MRPL52: variants seen among roughly 807,000 people sequenced by gnomAD.
MRPL52 encodes the protein large ribosomal subunit protein mL52.
MRPL52 carries 19 observed loss-of-function variants against 22.1 expected under a neutral mutation model. The ratio of observed to expected loss-of-function variants is 0.86; its 90% CI spans 0.60 to 1.26. The LOEUF (loss-of-function observed/expected upper bound fraction) is 1.26. MRPL52 is among the 50% of genes most tolerant of loss of function. MRPL52 has a pLI of 0.00. For missense variants in MRPL52, 152 were observed against 148.1 expected, an observed-to-expected ratio of 1.03 and a Z score of -0.14; for synonymous variants, 50 against 57.5, an observed-to-expected ratio of 0.87 and a Z score of 0.59.
intron 3 of MRPL52, among the ~76,000 whole-genome samples, chr14:22,832,792 T>C (rs1469211990): frequency 6.6e-6 from 1 of 152,030 alleles, no homozygotes; most frequent in East Asian, 1.9e-4. Flanking sequence ...GGCAGGAGAA[T>C]TGCTTGAACC....
intron 3 of MRPL52, 94 bp from the exon 4 acceptor site, chr14:22,833,324 G>C: frequency 1.3e-6 from 1 of 779,694 alleles, no homozygotes; most frequent in Non-Finnish European, 2.3e-6. Context: ...AGAGGAGCTA[G>C]AGATTGGTTC....
intron 2 of MRPL52, 21 bp downstream of exon 2, chr14:22,830,131 A>C (rs1474746769): frequency 1.9e-6 from 3 of 1,614,212 alleles, no homozygotes; most frequent in Middle Eastern, 1.6e-4. Context: ...GGATGAGGGC[A>C]CCTGGGGGAC....
chr14:22,830,373 T>G, intron 3 of MRPL52, 119 bp downstream of exon 3: 7 of 1,037,330 alleles, frequency 6.7e-6, no homozygotes, highest in Non-Finnish European at 1.0e-5. Context: ...ACTTTTTATT[T>G]GGAAAACGGA....
intron 3 of MRPL52, 110 bp downstream of exon 3, chr14:22,830,364 C>T (rs1407456199): frequency 2.6e-6 from 3 of 1,163,020 alleles, no homozygotes; most frequent in Non-Finnish European, 3.8e-6. Flanking sequence ...AAGTGTTTAA[C>T]TTTTTATTTG....
chr14:22,831,106 CTTT>C (rs36143447), intron 3 of MRPL52: 90 of 167,474 alleles, frequency 5.4e-4, no homozygotes, highest in African/African-American at 1.5e-3. Flanking sequence ...CATATGACTG[CTTT>C]TTTTTTTTTT....
Position 22,834,262 on chromosome 14 carries a change from C to A in MRPL52, c.310C>A (p.Gln104Lys). The change falls in exon 5 of 5, where the codon CAG (glutamine) becomes AAG (lysine). Residue 104 changes from glutamine to lysine, a missense_variant. Gln to Lys is a moderately conservative substitution (Grantham distance 53, BLOSUM62 1). Transcript: ENST00000397496. ...QQKLQEEQRK[Q>K]ENALKPKGAS... The stretch of plus-strand genomic sequence containing the variant: ...GAAGTTGCAGGAAGAACAAAGGAAG[C>A]AGGAAAATGCTCTTAAACCCAAAGG... 2 of 1,614,168 alleles carry A rather than the reference C, an allele frequency of 1.2e-6. No individual in the cohort carries two copies. Among genetic ancestry groups the A allele is most frequent in the Non-Finnish European group, 1.7e-6 (2 of 1,180,034 alleles).
intron 3 of MRPL52, chr14:22,831,225 A>T: frequency 2.0e-6 from 1 of 497,526 alleles, no homozygotes; most frequent in Non-Finnish European, 3.5e-6. Flanking sequence ...CAGTCCTCCC[A>T]CCTCAGCCCC....
chr14:22,830,038 C>T lies in MRPL52; in HGVS notation c.29-15C>T, dbSNP rs752981510. Reference sequence around the variant, plus strand: ...GCGCGGCCTCTCCCCCAACTCTGCTCTGTTCTCCCAGCAGGTGTCCGGAGG... The same window carrying T: ...GCGCGGCCTCTCCCCCAACTCTGCTTTGTTCTCCCAGCAGGTGTCCGGAGG... On this transcript the variant is annotated splice_polypyrimidine_tract_variant and intron_variant, in intron 1 of 4. Coordinates refer to ENST00000397496, the MANE Select transcript of MRPL52 (RefSeq NM_180982.3). 1.2e-6 allele frequency: 2 copies of T among 1,614,040 alleles called. No homozygotes were observed. Among genetic ancestry groups the T allele is most frequent in the East Asian group, 2.2e-5 (1 of 44,886 alleles).
At chr14:22,833,827 G>A (rs1430852366) in intron 4 of MRPL52, among the ~76,000 whole-genome samples, 1 of 152,062 alleles carries the variant, frequency 6.6e-6, no homozygotes, top group Non-Finnish European at 1.5e-5. Context: ...TTCTATGTTG[G>A]TCAGACTGGT....
Position 22,834,119 on chromosome 14 carries a change from G to A in MRPL52, c.220-53G>A, listed in dbSNP as rs996889115. 3.1e-6 allele frequency: 5 copies of A among 1,592,636 alleles called. No individual in the cohort carries two copies. In the African/African-American group the frequency reaches 4.0e-5, roughly 13 times the overall value. On this transcript the variant is annotated intron_variant, in intron 4 of 4. Transcript: ENST00000397496. ...GAATTTGTAAGTGGAAGGATATATA[G>A]TATAGCGCTGAAGTCCCAGATGTTA...
chr14:22,834,221 G>T lies in MRPL52; in HGVS notation c.269G>T (p.Trp90Leu). ...GAAATGGACGCTGGATTACAAGCAT[G>T]GCAGCTCAGGCAGCAGAAGTTGCAG... is the stretch of plus-strand genomic sequence containing the variant. ...SQEMDAGLQA[W>L]QLRQQKLQEE... Residue 90 changes from tryptophan (W) to leucine (L), a missense_variant, in exon 5 of 5, where the codon TGG becomes TTG. Transcript: ENST00000397496. 6.2e-7 allele frequency: 1 copy of T among 1,614,190 alleles called. No homozygotes were observed. The highest frequency in any genetic ancestry group is 1.1e-5 in the South Asian group (1 of 91,078).
chr14:22,834,056 T>C (rs968861263), intron 4 of MRPL52, 116 bp from the exon 5 acceptor site: 2 of 1,202,452 alleles, frequency 1.7e-6, no homozygotes, highest in African/African-American at 3.1e-5. Context: ...TCGCTCCCAC[T>C]GGGGAGTCAG....
chr14:22,833,378 C>T, intron 3 of MRPL52, 40 bp from the exon 4 acceptor site: 1 of 1,331,198 alleles, frequency 7.5e-7, no homozygotes. Context: ...TGATGCAGTC[C>T]ATCTCTAACA....
At chr14:22,830,026 C>T (rs766970120) in intron 1 of MRPL52, 27 bp from the exon 2 acceptor site, 1 of 1,613,890 alleles carries the variant, frequency 6.2e-7, no homozygotes. Context: ...CGGCCTCTCC[C>T]CCAACTCTGC....
chr14:22,831,247 G>T (rs2039612113), intron 3 of MRPL52: 2 of 488,418 alleles, frequency 4.1e-6, no homozygotes. Context: ...CAAGTAGGTG[G>T]GACCACAGGC....
At chr14:22,831,015 A>AT in intron 3 of MRPL52, 1 of 1,438,706 alleles carries the variant, frequency 7.0e-7, no homozygotes, top group Non-Finnish European at 9.2e-7. Context: ...GATGGTGAAG[A>AT]TTTTTTCTAC....
At chr14:22,833,767 G>A (rs957102105) in intron 4 of MRPL52, among the ~76,000 whole-genome samples, 3 of 152,144 alleles carry the variant, frequency 2.0e-5, no homozygotes, top group Admixed American at 1.3e-4. Flanking sequence ...GATTACACAC[G>A]TGTGCCACCA....
rs1172347323 is a variant in MRPL52, at chr14:22,830,222, C to G, written c.122C>G (p.Pro41Arg). 3.1e-6 allele frequency: 5 copies of G among 1,614,120 alleles called. No individual in the cohort carries two copies. Among genetic ancestry groups the G allele is most frequent in the Non-Finnish European group, 4.2e-6 (5 of 1,180,052 alleles). ...GCTGCCAACCCCTCCGGCTACGGGC[C>G]CCTTACCGAGCTCCCAGACTGGTCA... ...GLAANPSGYG[P>R]LTELPDWSYA... The change falls in exon 3 of 5, where the codon CCC becomes CGC. Residue 41 changes from proline to arginine, a missense_variant. By Grantham distance (103) the Pro-to-Arg change is moderately radical (BLOSUM62 -2). Coordinates refer to ENST00000397496, the MANE Select transcript of MRPL52 (RefSeq NM_180982.3).
At chr14:22,834,132 G>C (rs753775794) in intron 4 of MRPL52, 40 bp from the exon 5 acceptor site, 3 of 1,607,692 alleles carry the variant, frequency 1.9e-6, no homozygotes, top group Non-Finnish European at 2.5e-6. Context: ...TAGCGCTGAA[G>C]TCCCAGATGT....
Sources: allele counts gnomAD v4.1 joint callset (sites outside exome capture counted in the v4.1 genomes callset), GRCh38; gene constraint gnomAD v4.1.1; transcripts MANE v1.5; gene names NCBI Gene and HGNC (gene_info 2026-07-23, HGNC 2026-07-21).